Variants in ABCF1 observed in about 807,000 individuals in gnomAD.
ABCF1 encodes ATP-binding cassette sub-family F member 1.
A neutral mutation model predicts 126.3 loss-of-function variants in ABCF1; 73 were observed. The observed-to-expected ratio is 0.58, with a 90% confidence interval of 0.48 to 0.70. The LOEUF is 0.70. ABCF1 is among the 30% of genes least tolerant of loss of function. The pLI is 0.00. For synonymous variants in ABCF1, 345 were observed against 396.4 expected, an observed-to-expected ratio of 0.87 and a Z score of 1.54; for missense variants, 786 against 1,057.5, an observed-to-expected ratio of 0.74 and a Z score of 3.56.
Position 30,584,464 on chromosome 6 carries a change from A to G in ABCF1, c.1289A>G (p.Lys430Arg). Residue 430 changes from lysine (K) to arginine (R), a missense_variant, in exon 14 of 25, where the codon AAA becomes AGA. Lys to Arg is a conservative substitution (Grantham distance 26). Around this residue, in one of 4 missense-constraint regions of ABCF1, gnomAD observed 163 missense variants for 255.3 expected, o/e 0.64. Coordinates refer to ENST00000326195, the MANE Select transcript of ABCF1 (RefSeq NM_001025091.2). The surrounding 1 kb of genome is among the most constrained non-coding windows in gnomAD (Gnocchi z 4.6). The part of the protein sequence containing the change: ...RATGAAAAEA[K>R]ARRILAGLGF... ...ACTGGGGCGGCAGCTGCAGAGGCCAAAGCACGGCGGATCCTGGCTGGCCTG... is the reference window on the plus strand; with the variant it reads ...ACTGGGGCGGCAGCTGCAGAGGCCAGAGCACGGCGGATCCTGGCTGGCCTG... 3 of 1,613,116 alleles carry G rather than the reference A, an allele frequency of 1.9e-6. No individual in the cohort carries two copies. Among genetic ancestry groups the G allele is most frequent in the Non-Finnish European group, 2.5e-6 (3 of 1,180,032 alleles).
At position 30,582,470 on chromosome 6, in the gene ABCF1, A is replaced by T; in HGVS notation, c.755A>T (p.His252Leu). 1 of 1,612,970 alleles carries T rather than the reference A, an allele frequency of 6.2e-7. No individual in the cohort carries two copies. Among genetic ancestry groups the T allele is most frequent in the Non-Finnish European group, 8.5e-7 (1 of 1,179,924 alleles). Residue 252 changes from histidine (H) to leucine (L), a missense_variant, in exon 9 of 25, where the codon CAT (histidine) becomes CTT (leucine). His to Leu is a moderately conservative substitution (Grantham distance 99). Around this residue, in one of 4 missense-constraint regions of ABCF1, gnomAD observed 322 missense variants for 322.9 expected, o/e 1.00. Coordinates refer to ENST00000326195, the MANE Select transcript of ABCF1 (RefSeq NM_001025091.2). ...GESKADDPYA[H>L]LSKKEKKKLK... ...TCTAAGGCAGATGATCCCTATGCTC[A>T]TCTTAGCAAAAAGGAGAAGAAAAAG...
chr6:30,585,946 A>G lies in ABCF1; in HGVS notation c.1668A>G (p.Lys556=). The G allele has an allele frequency of 6.2e-7, 1 of 1,611,398 alleles. No homozygotes were observed. Among genetic ancestry groups the G allele is most frequent in the Non-Finnish European group, 8.5e-7 (1 of 1,178,926 alleles). Residue 556 remains lysine, a synonymous_variant, in exon 17 of 25, where the codon AAA becomes AAG. Coordinates refer to ENST00000326195, the MANE Select transcript of ABCF1 (RefSeq NM_001025091.2). ...TGAAACAGTATGAGAAGCAAGAGAA[A>G]AAGCTGAAGGAGCTGAAGGCAGGCG... ...ELLKQYEKQE[K]KLKELKAGGK...
chr6:30,578,868 C>T (rs1270314524), intron 6 of ABCF1, among the ~76,000 whole-genome samples: 4 of 152,012 alleles, frequency 2.6e-5, no homozygotes, highest in African/African-American at 7.2e-5. Context: ...GGCGTGGTGG[C>T]GTGCGCCTGT....
At chr6:30,581,398 CTTTTTTTTTT>C (rs71552010) in intron 8 of ABCF1, among the ~76,000 whole-genome samples, 2 of 84,868 alleles carry the variant, frequency 2.4e-5, no homozygotes, top group Admixed American at 1.5e-4. Context: ...GCTTCCTGAT[CTTTTTTTTTT>C]TTTTTTTTTT....
chr6:30,582,436 GGAGGA>G lies in ABCF1; in HGVS notation c.725_729del (p.Gly242ValfsTer2). 1 of 1,612,634 alleles carries G rather than the reference GGAGGA, an allele frequency of 6.2e-7. No individual in the cohort carries two copies. Among genetic ancestry groups the G allele is most frequent in the South Asian group, 1.1e-5 (1 of 91,054 alleles). On this transcript the variant is annotated frameshift_variant, in exon 9 of 25. Coordinates refer to ENST00000326195, the MANE Select transcript of ABCF1 (RefSeq NM_001025091.2). LOFTEE classifies it high-confidence loss of function. The stretch of plus-strand genomic sequence containing the variant: ...AGAAGGGGAAGAAGAGGAGGAGGAA[GGAGGA>G]GAGTCTAAGGCAGATGATCCCTATG...
chr6:30,585,374 C>T, intron 15 of ABCF1, 31 bp downstream of exon 15: 3 of 1,606,024 alleles, frequency 1.9e-6, no homozygotes, highest in Non-Finnish European at 2.6e-6. Flanking sequence ...CATTGGTTCC[C>T]ATTCTGCACT....
chr6:30,582,871 T>G (rs2127411929), intron 9 of ABCF1, among the ~76,000 whole-genome samples, 195 bp from the exon 10 acceptor site: 1 of 152,286 alleles, frequency 6.6e-6, no homozygotes, highest in East Asian at 1.9e-4. Context: ...TTTTGTATTT[T>G]TTGTAGAGAC....
At chr6:30,571,682 C>A in intron 1 of ABCF1, 122 bp downstream of exon 1, 1 of 1,095,708 alleles carries the variant, frequency 9.1e-7, no homozygotes, top group Non-Finnish European at 1.3e-6. Context: ...ACTGCGCATG[C>A]GTGCCGTGGG....
In ABCF1 at chr6:30,582,430, G is replaced by A; in HGVS notation, c.715G>A (p.Glu239Lys). 6.2e-7 allele frequency: 1 copy of A among 1,612,052 alleles called. No individual in the cohort carries two copies. Among genetic ancestry groups the A allele is most frequent in the South Asian group, 1.1e-5 (1 of 91,058 alleles). ...EEEGEGEEEE[E>K]EGGESKADDP... ...AGAAGGAGAAGGGGAAGAAGAGGAG[G>A]AGGAAGGAGGAGAGTCTAAGGCAGA... The change falls in exon 9 of 25, where the codon GAG becomes AAG. Residue 239 changes from glutamate to lysine, a missense_variant. Physicochemically the swap from Glu to Lys is moderately conservative, Grantham distance 56. Transcript: ENST00000326195.
intron 1 of ABCF1, among the ~76,000 whole-genome samples, chr6:30,572,260 C>G (rs1407202102): frequency 1.3e-5 from 2 of 152,132 alleles, no homozygotes; most frequent in African/African-American, 2.4e-5. Flanking sequence ...TTTAAAAGCA[C>G]TTATTGGATG....
Position 30,590,901 on chromosome 6 carries a change from C to T in ABCF1, c.*200C>T. On this transcript the variant is annotated 3_prime_UTR_variant, in exon 25 of 25. Coordinates refer to ENST00000326195, the MANE Select transcript of ABCF1 (RefSeq NM_001025091.2). The stretch of plus-strand genomic sequence containing the variant: ...TTCTCTGAAAGACTTGTTTGTTCTG[C>T]TTCTCTTCATATAACTGAGCTGGCC... The T allele has an allele frequency of 1.8e-6, 1 of 566,522 alleles. No individual in the cohort carries two copies. 35.1% of individuals were successfully genotyped at this position (566,522 alleles called of 1,614,324 possible).
intron 8 of ABCF1, among the ~76,000 whole-genome samples, chr6:30,581,958 A>C (rs532833191): frequency 2.0e-5 from 3 of 152,208 alleles, no homozygotes; most frequent in African/African-American, 7.2e-5. Flanking sequence ...GAGGATCCCA[A>C]GATATTTTAG....
chr6:30,585,423 C>T, intron 15 of ABCF1, 80 bp downstream of exon 15: 3 of 1,583,554 alleles, frequency 1.9e-6, no homozygotes, highest in East Asian at 2.2e-5. Context: ...TCCTTTAGCC[C>T]TTCTCCACTG....
chr6:30,585,458 G>C, intron 15 of ABCF1, 100 bp from the exon 16 acceptor site: 1 of 1,585,554 alleles, frequency 6.3e-7, no homozygotes. Flanking sequence ...GCTCTATTCA[G>C]ACCCCCCTTT....
In ABCF1 at chr6:30,578,076, CA is replaced by C. The variant is rs751873821; in HGVS notation, c.227del (p.Lys76SerfsTer60). 2,277 of 1,335,954 alleles carry C rather than the reference CA, an allele frequency of 1.7e-3. No homozygotes were observed. Among genetic ancestry groups the C allele is most frequent in the Admixed American group, 0.01 (471 of 45,496 alleles). 82.8% of individuals were successfully genotyped at this position (1,335,954 alleles called of 1,614,324 possible). ...EQQQQQQQQQ[Q>X]KKKRDTRKGR... Reference sequence around the variant, plus strand: ...CTCACTGTTCTTTTGCTCTCAGCAGCAAAAAAAAAAGCGAGATACCCGAAAA... The same window carrying C: ...CTCACTGTTCTTTTGCTCTCAGCAGCAAAAAAAAAGCGAGATACCCGAAAA... On this transcript the variant is annotated frameshift_variant and splice_region_variant, in exon 4 of 25. Transcript: ENST00000326195. LOFTEE classifies it high-confidence loss of function.
chr6:30,586,742 G>A lies in ABCF1; in HGVS notation c.2031+31G>A, dbSNP rs761395108. On this transcript the variant is annotated intron_variant, in intron 20 of 24. Transcript: ENST00000326195. This position sits in a 1 kb window ranked among gnomAD's most constrained non-coding sequence, Gnocchi z 4.9. ...TCCTGGAGCCAAGGAGGGAGAGCATGAGAAATGTGAAGACACAGCTGCTTT... is the reference window on the plus strand; with the variant it reads ...TCCTGGAGCCAAGGAGGGAGAGCATAAGAAATGTGAAGACACAGCTGCTTT... 2.5e-6 allele frequency: 4 copies of A among 1,611,182 alleles called. No homozygotes were observed. The highest frequency in any genetic ancestry group is 1.7e-5 in the Admixed American group (1 of 59,912).
At chr6:30,585,715 GATA>G in intron 16 of ABCF1, 33 bp downstream of exon 16, 1 of 1,609,124 alleles carries the variant, frequency 6.2e-7, no homozygotes, top group African/African-American at 1.3e-5. Flanking sequence ...GCAGGGAAGA[GATA>G]GAACCTCGAA....
At position 30,571,513 on chromosome 6, in the gene ABCF1, C is replaced by A. The variant is rs767397757; in HGVS notation, c.26C>A (p.Pro9Gln). The change falls in exon 1 of 25, where the codon CCG becomes CAG. Residue 9 changes from proline to glutamine, a missense_variant. Physicochemically the swap from Pro to Gln is moderately conservative, Grantham distance 76. Around this residue, in one of 4 missense-constraint regions of ABCF1, gnomAD observed 322 missense variants for 322.9 expected, o/e 1.00. Transcript: ENST00000326195. Reference sequence around the variant, plus strand: ...ATGCCGAAGGCGCCCAAGCAGCAGCCGCCGGAGCCCGAGTGGATCGGGGAC... The same window carrying A: ...ATGCCGAAGGCGCCCAAGCAGCAGCAGCCGGAGCCCGAGTGGATCGGGGAC... MPKAPKQQ[P>Q]PEPEWIGDGE... 1.2e-6 allele frequency: 2 copies of A among 1,611,048 alleles called. No individual in the cohort carries two copies. Among genetic ancestry groups the A allele is most frequent in the Non-Finnish European group, 8.5e-7 (1 of 1,179,554 alleles).
At chr6:30,575,651 A>T (rs557876808) in intron 1 of ABCF1, among the ~76,000 whole-genome samples, 1 of 152,026 alleles carries the variant, frequency 6.6e-6, no homozygotes, top group Non-Finnish European at 1.5e-5. Context: ...AAGCACACAG[A>T]CAGGTAAATA....
Sources: gnomAD v4.1 joint callset for allele counts (sites outside exome capture counted in the v4.1 genomes callset) on GRCh38, gnomAD v4.1.1 for gene constraint, gnomAD v4.1.1 regional missense constraint, Gnocchi (gnomAD v3.1) non-coding constraint, MANE v1.5 for transcripts, NCBI Gene and HGNC (gene_info 2026-07-23, HGNC 2026-07-21) for gene names.